The following RANBP3L variants were observed in gnomAD, a reference collection of about 807,000 sequenced individuals.
RANBP3L encodes ran-binding protein 3-like.
In RANBP3L, 56 loss-of-function variants were observed where a neutral mutation model predicts 67.2. The observed-to-expected ratio is 0.83, with a 90% CI of 0.67 to 1.04. The LOEUF (loss-of-function observed/expected upper bound fraction) is 1.04. RANBP3L is among the 50% of genes least tolerant of loss of function. RANBP3L has a pLI of 0.00. For missense variants in RANBP3L, 496 were observed against 535.5 expected, an observed-to-expected ratio of 0.93 and a Z score of 0.73; for synonymous variants, 164 against 181.4, an observed-to-expected ratio of 0.90 and a Z score of 0.77.
At chr5:36,300,601 A>C (rs1043311855) in intron 1 of RANBP3L, among the ~76,000 whole-genome samples, 2 of 152,204 alleles carry the variant, frequency 1.3e-5, no homozygotes, top group Non-Finnish European at 2.9e-5. Flanking sequence ...ACCTCTGTGG[A>C]GTGATGATGT....
rs1748349911 is a variant in RANBP3L at position 36,247,311 on chromosome 5, G to A, written c.*2343C>T. 6.6e-6 allele frequency among the ~76,000 whole-genome samples: 1 copy of A among 152,194 alleles called. No individual in the cohort carries two copies. Among genetic ancestry groups the A allele is most frequent in the African/African-American group, 2.4e-5 (1 of 41,438 alleles). On this transcript the variant is annotated 3_prime_UTR_variant, in exon 14 of 14. Transcript: ENST00000296604. ...GTATAGAAAATGGGTTGAAAGAGTT[G>A]TGAGCTAAATATCATGTTTCTGTTC...
chr5:36,301,279 G>T, intron 1 of RANBP3L, 47 bp downstream of exon 1: 1 of 1,403,116 alleles, frequency 7.1e-7, no homozygotes, highest in Non-Finnish European at 1.0e-6. Flanking sequence ...GAATGCAAAT[G>T]CACAGAAGGT....
At chr5:36,258,549 A>T (rs1213710848) in intron 8 of RANBP3L, among the ~76,000 whole-genome samples, 2 of 152,200 alleles carry the variant, frequency 1.3e-5, no homozygotes, top group Non-Finnish European at 2.9e-5. Flanking sequence ...ACAGGATTAG[A>T]GGACAAACAC....
At chr5:36,299,066 G>A (rs145031551) in intron 1 of RANBP3L, among the ~76,000 whole-genome samples, 26 of 152,200 alleles carry the variant, frequency 1.7e-4, no homozygotes, top group African/African-American at 6.3e-4. Context: ...TCAGCTGCCA[G>A]CAAATACAAA....
At chr5:36,255,410 T>G in intron 11 of RANBP3L, 60 bp downstream of exon 11, 1 of 1,530,994 alleles carries the variant, frequency 6.5e-7, no homozygotes, top group South Asian at 1.2e-5. Context: ...CCTATATTAT[T>G]ATAAGTACAC....
chr5:36,268,549 T>A (rs891112680), intron 4 of RANBP3L, among the ~76,000 whole-genome samples: 21 of 152,068 alleles, frequency 1.4e-4, no homozygotes, highest in Admixed American at 1.0e-3. Context: ...TATACATAGA[T>A]GCTGTATTAC....
Position 36,248,264 on chromosome 5 carries a change from C to G in RANBP3L, c.*1390G>C, listed in dbSNP as rs1748391929. ...TTTAGAAGTAAAGGATATTATGTGC[C>G]ATATTTCTTCTAGAATCACTGGAAG... is the stretch of plus-strand genomic sequence containing the variant. On this transcript the variant is annotated 3_prime_UTR_variant, in exon 14 of 14. Transcript: ENST00000296604. Among the ~76,000 whole-genome samples, 1 of 151,940 alleles carries G rather than the reference C, an allele frequency of 6.6e-6. No individual in the cohort carries two copies. The highest frequency in any genetic ancestry group is 2.4e-5 in the African/African-American group (1 of 41,358).
chr5:36,270,665 CT>C (rs1561117640), intron 2 of RANBP3L, among the ~76,000 whole-genome samples: 1 of 152,034 alleles, frequency 6.6e-6, no homozygotes, highest in Non-Finnish European at 1.5e-5. Context: ...TGACTAATTT[CT>C]TTTTATTTTT....
intron 1 of RANBP3L, among the ~76,000 whole-genome samples, chr5:36,287,226 C>T (rs1301476211): frequency 6.6e-6 from 1 of 152,218 alleles, no homozygotes; most frequent in Non-Finnish European, 1.5e-5. Context: ...GGTGGTAATG[C>T]TCACTCACGC....
chr5:36,259,480 G>A (rs1171838647), intron 8 of RANBP3L, among the ~76,000 whole-genome samples: 4 of 151,934 alleles, frequency 2.6e-5, no homozygotes, highest in African/African-American at 9.7e-5. Context: ...CTACTCGGGA[G>A]GCTGAAGTGG....
chr5:36,278,140 A>G (rs370480758), intron 1 of RANBP3L, among the ~76,000 whole-genome samples: 1 of 152,070 alleles, frequency 6.6e-6, no homozygotes, highest in African/African-American at 2.4e-5. Flanking sequence ...TACCTACTCT[A>G]TGTTAGCTCT....
rs757382152 is a variant in RANBP3L, at chr5:36,249,648, T to C, written c.*6A>G. On this transcript the variant is annotated 3_prime_UTR_variant, in exon 14 of 14. Coordinates refer to ENST00000296604, the MANE Select transcript of RANBP3L (RefSeq NM_145000.5). ...TTGTAGATGTCATGTTTATAGTAGG[T>C]AGTATTCATGAACAGGCAACCGACT... 4.0e-6 allele frequency: 6 copies of C among 1,515,040 alleles called. No homozygotes were observed. The Admixed American group carries it at 1.1e-4, about 27-fold the overall frequency. The allele number at this position is 1,515,040 out of a possible 1,614,324, so 93.8% of individuals were successfully genotyped here.
intron 1 of RANBP3L, among the ~76,000 whole-genome samples, chr5:36,273,080 A>T (rs1013873166): frequency 4.6e-5 from 7 of 152,208 alleles, no homozygotes; most frequent in African/African-American, 1.7e-4. Context: ...GTTTCTCAAG[A>T]CAAGCTCCTT....
chr5:36,299,569 T>A (rs2112192464), intron 1 of RANBP3L, among the ~76,000 whole-genome samples: 1 of 152,196 alleles, frequency 6.6e-6, no homozygotes, highest in East Asian at 1.9e-4. Flanking sequence ...CAAAAACAAT[T>A]TTTAAGAATG....
At chr5:36,274,309 T>G (rs907310080) in intron 1 of RANBP3L, among the ~76,000 whole-genome samples, 1 of 152,122 alleles carries the variant, frequency 6.6e-6, no homozygotes, top group South Asian at 2.1e-4. Context: ...TTATTGAAGT[T>G]CAACTGGGGT....
intron 1 of RANBP3L, among the ~76,000 whole-genome samples, chr5:36,272,910 G>A (rs533443714): frequency 3.3e-5 from 5 of 152,258 alleles, no homozygotes; most frequent in African/African-American, 7.2e-5. Flanking sequence ...CCAAAGTGCT[G>A]GGATTACAGG....
intron 10 of RANBP3L, among the ~76,000 whole-genome samples, chr5:36,256,110 A>G (rs1351776221): frequency 1.3e-5 from 2 of 152,126 alleles, no homozygotes; most frequent in African/African-American, 2.4e-5. Context: ...AGAGCATGAT[A>G]ACGTGGAGAA....
In RANBP3L at chr5:36,274,373, C is replaced by T. The variant is rs181393506; in HGVS notation, c.92-3062G>A. ...CTCAACAGGTAACCAACAAGAGAATCTTAGTTTTTGGGGTCAGGGTAAGGT... is the reference window on the plus strand; with the variant it reads ...CTCAACAGGTAACCAACAAGAGAATTTTAGTTTTTGGGGTCAGGGTAAGGT... On this transcript the variant is annotated intron_variant, in intron 1 of 13. Coordinates refer to ENST00000296604, the MANE Select transcript of RANBP3L (RefSeq NM_145000.5). Among the ~76,000 whole-genome samples the T allele has an allele frequency of 3.9e-5, 6 of 152,108 alleles. No individual in the cohort carries two copies. The East Asian group carries it at 7.7e-4, about 20-fold the overall frequency.
chr5:36,266,652 C>T (rs1179306974), intron 4 of RANBP3L, among the ~76,000 whole-genome samples: 1 of 152,112 alleles, frequency 6.6e-6, no homozygotes, highest in African/African-American at 2.4e-5. Context: ...AATTAAAGCA[C>T]GTGCATAGAT....
Sources: gnomAD v4.1 joint callset for allele counts (sites outside exome capture counted in the v4.1 genomes callset) on GRCh38, gnomAD v4.1.1 for gene constraint, MANE v1.5 for transcripts, NCBI Gene and HGNC (gene_info 2026-07-23, HGNC 2026-07-21) for gene names.